KCNT1: variants seen among roughly 807,000 people sequenced by gnomAD.
KCNT1 encodes potassium sodium-activated channel subfamily T member 1, also known as potassium channel subfamily T member 1.
Under a neutral mutation model 147.8 loss-of-function variants are expected in KCNT1, and 78 were observed. The ratio of observed to expected loss-of-function variants is 0.53; its 90% CI spans 0.44 to 0.64. KCNT1 has a LOEUF of 0.64. Among genes scored for constraint, KCNT1 ranks in the 30% least tolerant of loss-of-function variants. The probability of loss-of-function intolerance (pLI) is 0.00; values close to 1 mark genes in which losing one functional copy is unlikely to be tolerated. For synonymous variants in KCNT1, 867 were observed against 748.8 expected (o/e 1.16, Z -2.58); for missense variants, 1,419 against 1,750.3 (o/e 0.81, Z 3.38).
chr9:135,732,024 A>AGAGAGAGAGAGAGGGAGG (rs1554766185), intron 2 of KCNT1, among the ~76,000 whole-genome samples: 25 of 65,110 alleles, frequency 3.8e-4, no homozygotes, highest in Non-Finnish European at 6.7e-4. Flanking sequence ...AGAGAGAGAG[A>AGAGAGAGAGAGAGGGAGG]GAGAGAGAGA....
At chr9:135,768,701 C>G in intron 14 of KCNT1, 28 bp downstream of exon 14, 1 of 1,544,994 alleles carries the variant, frequency 6.5e-7, no homozygotes, top group Non-Finnish European at 8.8e-7. Context: ...CCTGCCCAGG[C>G]GGGAGGGGCA....
At chr9:135,703,824 C>T (rs78792103) in intron 1 of KCNT1, among the ~76,000 whole-genome samples, 2,759 of 152,348 alleles carry the variant, frequency 0.018, 87 homozygotes, top group African/African-American at 0.063. Flanking sequence ...AGGCCTCATC[C>T]TCCGGGTCCT....
rs144016467 is a variant in KCNT1 at position 135,791,761 on chromosome 9, G to A, written c.3503-36G>A. 9.6e-6 allele frequency: 15 copies of A among 1,563,596 alleles called. No individual in the cohort carries two copies. In the African/African-American group the frequency reaches 1.2e-4, roughly 13 times the overall value. On this transcript the variant is annotated intron_variant, in intron 29 of 30. Transcript: ENST00000371757. ...CTGCAGAGCTGGGAGGGGCAGGGCT[G>A]GGGGGGTGACGTCTGCCCGGCTGTG...
chr9:135,756,117 A>G (rs1448388828), intron 6 of KCNT1, among the ~76,000 whole-genome samples: 2 of 151,420 alleles, frequency 1.3e-5, no homozygotes, highest in Non-Finnish European at 3.0e-5. Context: ...TGAATGCTGA[A>G]GACAGACAGG....
intron 29 of KCNT1, chr9:135,791,591 C>T (rs1050161960): frequency 1.8e-6 from 1 of 561,618 alleles, no homozygotes; most frequent in African/African-American, 1.9e-5. Context: ...GCCCTCCTGG[C>T]TGTCCCCTGC....
chr9:135,746,497 C>T (rs936325711), intron 2 of KCNT1, among the ~76,000 whole-genome samples: 4 of 152,220 alleles, frequency 2.6e-5, no homozygotes, highest in African/African-American at 4.8e-5. Context: ...CTTGGCTGTC[C>T]GGAAGCCAGT....
intron 2 of KCNT1, among the ~76,000 whole-genome samples, chr9:135,719,917 C>T (rs543188229): frequency 3.3e-5 from 5 of 152,296 alleles, no homozygotes; most frequent in African/African-American, 9.6e-5. Flanking sequence ...TTCATTAGCT[C>T]CTCTGACAAC....
rs56307359 is a variant in KCNT1, at chr9:135,730,990, TA to T, written c.254+16293del. On this transcript the variant is annotated intron_variant, in intron 2 of 30. Coordinates refer to ENST00000371757, the MANE Select transcript of KCNT1 (RefSeq NM_020822.3). This position sits in a 1 kb window ranked among gnomAD's most constrained non-coding sequence, Gnocchi z 4.7. ...AACAAAGTGAGATCCCGTCTCAAGGTAAAAAAAAAAAAAAAAAAAAAAAGTG... is the reference window on the plus strand; with the variant it reads ...AACAAAGTGAGATCCCGTCTCAAGGTAAAAAAAAAAAAAAAAAAAAAAGTG... Among the ~76,000 whole-genome samples the T allele has an allele frequency of 0.049, 4,182 of 85,514 alleles. 161 individuals carry two copies. Among genetic ancestry groups the T allele is most frequent in the African/African-American group, 0.15 (3,282 of 22,018 alleles). 56.1% of individuals were successfully genotyped at this position (85,514 alleles called of 152,430 possible).
Position 135,792,948 on chromosome 9 carries a change from A to C in KCNT1, c.*787A>C, listed in dbSNP as rs1397727198. The C allele has an allele frequency of 6.6e-6, 1 of 151,922 alleles. No homozygotes were observed. The highest frequency in any genetic ancestry group is 1.5e-5 in the Non-Finnish European group (1 of 67,974). 9.4% of individuals were successfully genotyped at this position (151,922 alleles called of 1,614,324 possible). On this transcript the variant is annotated 3_prime_UTR_variant, in exon 31 of 31. Coordinates refer to ENST00000371757, the MANE Select transcript of KCNT1 (RefSeq NM_020822.3). ...TTTAAAGCAAAGCCTCATTTTCTAAACCCCTGACTTGTGAAGCACAATTCA... is the reference window on the plus strand; with the variant it reads ...TTTAAAGCAAAGCCTCATTTTCTAACCCCCTGACTTGTGAAGCACAATTCA...
Position 135,794,882 on chromosome 9 carries a change from C to CCAT in KCNT1, c.*2724_*2726dup. On this transcript the variant is annotated 3_prime_UTR_variant, in exon 31 of 31. Coordinates refer to ENST00000371757, the MANE Select transcript of KCNT1 (RefSeq NM_020822.3). ...CCCTGCTCCCAGCCGTCCTCGTCCA[C>CCAT]CATCACTTCTCCCAGCCTCGTGTCC... 6.6e-6 allele frequency: 1 copy of CCAT among 152,336 alleles called. No individual in the cohort carries two copies. The highest frequency in any genetic ancestry group is 1.9e-4 in the East Asian group (1 of 5,154). The allele number at this position is 152,336 out of a possible 1,614,324, so 9.4% of individuals were successfully genotyped here.
chr9:135,702,403 C>T (rs1327209202), intron 1 of KCNT1, 35 bp downstream of exon 1: 1 of 1,468,626 alleles, frequency 6.8e-7, no homozygotes, highest in Non-Finnish European at 9.3e-7. Context: ...CGCGGGGAGG[C>T]CCCGGTCTAA....
In KCNT1 at chr9:135,792,658, A is replaced by G; in HGVS notation, c.*497A>G. On this transcript the variant is annotated 3_prime_UTR_variant, in exon 31 of 31. Coordinates refer to ENST00000371757, the MANE Select transcript of KCNT1 (RefSeq NM_020822.3). ...CTGGGGGCCAGGGCTGCTGTTCTGC[A>G]CTCTGGGGTGGGTGAGGGGGACCCT... 6.5e-6 allele frequency: 1 copy of G among 154,094 alleles called. No homozygotes were observed. Among genetic ancestry groups the G allele is most frequent in the African/African-American group, 2.4e-5 (1 of 41,526 alleles). The allele number at this position is 154,094 out of a possible 1,614,324, so 9.5% of individuals were successfully genotyped here.
intron 9 of KCNT1, among the ~76,000 whole-genome samples, chr9:135,757,921 C>T (rs1421425690): frequency 6.6e-6 from 1 of 152,264 alleles, no homozygotes; most frequent in East Asian, 1.9e-4. Context: ...ATCAGCGTTA[C>T]CATGCTGGGT....
In KCNT1 at chr9:135,765,201, G is replaced by A. The variant is rs772209832; in HGVS notation, c.1200+6G>A. 2 of 1,607,164 alleles carry A rather than the reference G, an allele frequency of 1.2e-6. No individual in the cohort carries two copies. The highest frequency in any genetic ancestry group is 1.3e-5 in the African/African-American group (1 of 74,776). ...ACGCCCACCCCCGGCTCCAGGTGAG[G>A]CCCCTTACCGTGGCCCAGCAGACGA... On this transcript the variant is annotated splice_donor_region_variant and intron_variant, in intron 12 of 30. Coordinates refer to ENST00000371757, the MANE Select transcript of KCNT1 (RefSeq NM_020822.3).
intron 2 of KCNT1, among the ~76,000 whole-genome samples, chr9:135,715,005 G>T (rs894374469): frequency 3.9e-5 from 6 of 152,228 alleles, no homozygotes; most frequent in African/African-American, 1.4e-4. Flanking sequence ...TGGCCTTCCG[G>T]TGTCTGCTCC....
At chr9:135,735,653 T>G (rs561912796) in intron 2 of KCNT1, among the ~76,000 whole-genome samples, 1 of 152,210 alleles carries the variant, frequency 6.6e-6, no homozygotes, top group African/African-American at 2.4e-5. Flanking sequence ...TAGGCCCACC[T>G]GCCTCCCACA....
At chr9:135,746,716 T>A (rs1588301750) in intron 2 of KCNT1, among the ~76,000 whole-genome samples, 1 of 151,964 alleles carries the variant, frequency 6.6e-6, no homozygotes, top group Non-Finnish European at 1.5e-5. Context: ...GTTGGGGGCG[T>A]GGCCGGAGCT....
chr9:135,707,932 C>T (rs933748799), intron 1 of KCNT1, among the ~76,000 whole-genome samples: 8 of 152,350 alleles, frequency 5.3e-5, no homozygotes, highest in Non-Finnish European at 1.2e-4. Flanking sequence ...CAGCCACCCT[C>T]GCATGGGCAA....
intron 29 of KCNT1, chr9:135,789,732 G>A (rs1834355765): frequency 6.6e-6 from 1 of 152,240 alleles, no homozygotes; most frequent in African/African-American, 2.4e-5. Flanking sequence ...CTGGAGTAAA[G>A]GTCGGAGGGT....
Sources: gnomAD v4.1 joint callset for allele counts (sites outside exome capture counted in the v4.1 genomes callset) on GRCh38, gnomAD v4.1.1 for gene constraint, Gnocchi (gnomAD v3.1) non-coding constraint, MANE v1.5 for transcripts, NCBI Gene and HGNC (gene_info 2026-07-23, HGNC 2026-07-21) for gene names.